The following KNDC1 variants were observed in gnomAD, a reference collection of about 807,000 sequenced individuals.
KNDC1 encodes the protein kinase non-catalytic C-lobe domain-containing protein 1.
A neutral mutation model predicts 172.8 loss-of-function variants in KNDC1; 106 were observed. That is an observed-to-expected ratio of 0.61 (90% CI 0.52 to 0.72). The LOEUF is 0.72. Among genes scored for constraint, KNDC1 ranks in the 30% least tolerant of loss-of-function variants. The pLI, the probability that KNDC1 is intolerant of heterozygous loss-of-function variation, is 0.00. For missense variants in KNDC1, 2,325 were observed against 2,394.5 expected (o/e 0.97, Z 0.61); for synonymous variants, 1,083 against 1,062.2 (o/e 1.02, Z -0.38).
rs763996433 is a variant in KNDC1 at position 133,186,471 on chromosome 10, C to T, written c.1123C>T (p.Arg375Trp). Reference sequence around the variant, plus strand: ...GCAGGAGCCGGAACACCAGCTGGGACGGGTTCCCTGTGCAGGCCGCAGCAC... The same window carrying T: ...GCAGGAGCCGGAACACCAGCTGGGATGGGTTCCCTGTGCAGGCCGCAGCAC... ...PEQEPEHQLGRVPCAGRSTDR... is the reference protein window; with the variant it reads ...PEQEPEHQLGWVPCAGRSTDR... Residue 375 changes from arginine to tryptophan, a missense_variant, in exon 6 of 30, where the codon CGG (arginine) becomes TGG (tryptophan). Physicochemically the swap from Arg to Trp is moderately radical, Grantham distance 101 (BLOSUM62 -3). Coordinates refer to ENST00000304613, the MANE Select transcript of KNDC1 (RefSeq NM_152643.8). 12 of 1,612,166 alleles carry T rather than the reference C, an allele frequency of 7.4e-6. No homozygotes were observed. The highest frequency in any genetic ancestry group is 4.5e-5 in the East Asian group (2 of 44,878).
chr10:133,204,707 T>A (rs916040946), intron 17 of KNDC1, among the ~76,000 whole-genome samples: 1 of 152,184 alleles, frequency 6.6e-6, no homozygotes, highest in African/African-American at 2.4e-5. Flanking sequence ...ACCCTGTCAA[T>A]AGCAGAGTCA....
intron 3 of KNDC1, among the ~76,000 whole-genome samples, chr10:133,181,524 G>C (rs985037241): frequency 6.6e-6 from 1 of 152,338 alleles, no homozygotes; most frequent in Admixed American, 6.5e-5. Flanking sequence ...CTGTGGGGAT[G>C]GCCAGCGGCC....
At chr10:133,187,388 C>A (rs940360103) in intron 6 of KNDC1, among the ~76,000 whole-genome samples, 37 of 152,262 alleles carry the variant, frequency 2.4e-4, no homozygotes, top group African/African-American at 8.7e-4. Flanking sequence ...TTTTGCCCTC[C>A]TTGGCTCCTC....
chr10:133,215,746 C>A (rs933384353), intron 26 of KNDC1, among the ~76,000 whole-genome samples: 1 of 152,236 alleles, frequency 6.6e-6, no homozygotes. Flanking sequence ...GAGCCTGCGG[C>A]GGCCCTGCCT....
At position 133,224,906 on chromosome 10, in the gene KNDC1, G is replaced by C; in HGVS notation, c.*16G>C. 7 of 1,597,214 alleles carry C rather than the reference G, an allele frequency of 4.4e-6. No homozygotes were observed. The highest frequency in any genetic ancestry group is 6.0e-6 in the Non-Finnish European group (7 of 1,166,076). On this transcript the variant is annotated 3_prime_UTR_variant, in exon 30 of 30. Coordinates refer to ENST00000304613, the MANE Select transcript of KNDC1 (RefSeq NM_152643.8). This position sits in a 1 kb window ranked among gnomAD's most constrained non-coding sequence, Gnocchi z 5.4. Reference sequence around the variant, plus strand: ...ATTCCAGTAGCCGAGCTCGGGCCTGGTGTGGAATTCCAGATCCGAATCCGA... The same window carrying C: ...ATTCCAGTAGCCGAGCTCGGGCCTGCTGTGGAATTCCAGATCCGAATCCGA...
rs1303303492 is a variant in KNDC1 at position 133,218,814 on chromosome 10, T to TC, written c.4678-16dup. 6.2e-7 allele frequency: 1 copy of TC among 1,608,534 alleles called. No homozygotes were observed. On this transcript the variant is annotated splice_polypyrimidine_tract_variant and intron_variant, in intron 26 of 29. Transcript: ENST00000304613. ...CTTAAACCAGAAGACGCTGAATGTG[T>TC]CATTTTCTTATTGCAGCTGCAGGTG...
At position 133,211,542 on chromosome 10, in the gene KNDC1, G is replaced by A; in HGVS notation, c.4029G>A (p.Gly1343=). ...VDFPRNSGLL[G]KLEDFISSKI... is the part of the protein sequence containing the mutation. ...TCCCTCGGAACAGCGGGCTGCTGGGGAAGCTAGAGGACTTCATCTCCTCCA... is the reference window on the plus strand; with the variant it reads ...TCCCTCGGAACAGCGGGCTGCTGGGAAAGCTAGAGGACTTCATCTCCTCCA... The change falls in exon 22 of 30, where the codon GGG becomes GGA. Residue 1343 remains glycine, a synonymous_variant. Coordinates refer to ENST00000304613, the MANE Select transcript of KNDC1 (RefSeq NM_152643.8). 2 of 1,613,958 alleles carry A rather than the reference G, an allele frequency of 1.2e-6. No individual in the cohort carries two copies.
At chr10:133,184,557 TCACACTGCA>T (rs1228120705) in intron 5 of KNDC1, among the ~76,000 whole-genome samples, 3 of 152,204 alleles carry the variant, frequency 2.0e-5, no homozygotes, top group Admixed American at 2.0e-4. Flanking sequence ...GCATGCCTGT[TCACACTGCA>T]CACGCCCACA....
chr10:133,186,126 A>G lies in KNDC1; in HGVS notation c.778A>G (p.Lys260Glu), dbSNP rs1477138818. The G allele has an allele frequency of 1.3e-6, 2 of 1,598,310 alleles. No homozygotes were observed. The highest frequency in any genetic ancestry group is 1.1e-5 in the South Asian group (1 of 88,880). Reference protein sequence around the residue: ...TSRGPRASPTKALLSTPVRNG... With the variant: ...TSRGPRASPTEALLSTPVRNG... ...CCGGGGCCCCAGAGCCTCCCCAACC[A>G]AGGCTCTGCTGTCCACCCCGGTGAG... Residue 260 changes from lysine (K) to glutamate (E), a missense_variant, in exon 6 of 30, where the codon AAG becomes GAG. By Grantham distance (56) the Lys-to-Glu change is moderately conservative. Coordinates refer to ENST00000304613, the MANE Select transcript of KNDC1 (RefSeq NM_152643.8).
chr10:133,198,821 G>C lies in KNDC1; in HGVS notation c.2313G>C (p.Glu771Asp), dbSNP rs1266791195. Reference sequence around the variant, plus strand: ...CCCAGGCCCCAGCAAACCAGCCAGAGGGGGCCTCATCGGCAGCTCCCGGCT... The same window carrying C: ...CCCAGGCCCCAGCAAACCAGCCAGACGGGGCCTCATCGGCAGCTCCCGGCT... ...PPPQAPANQP[E>D]GASSAAPGSP... The change falls in exon 14 of 30, where the codon GAG becomes GAC. Residue 771 changes from glutamate (E) to aspartate (D), a missense_variant. Glu to Asp is a conservative substitution (Grantham distance 45). Transcript: ENST00000304613. 1.6e-5 allele frequency: 25 copies of C among 1,599,960 alleles called. No individual in the cohort carries two copies. The highest frequency in any genetic ancestry group is 2.0e-5 in the Non-Finnish European group (24 of 1,174,490).
rs1589782193 is a variant in KNDC1 at position 133,224,900 on chromosome 10, G to A, written c.*10G>A. ...GGCTACATTCCAGTAGCCGAGCTCGGGCCTGGTGTGGAATTCCAGATCCGA... is the reference window on the plus strand; with the variant it reads ...GGCTACATTCCAGTAGCCGAGCTCGAGCCTGGTGTGGAATTCCAGATCCGA... On this transcript the variant is annotated 3_prime_UTR_variant, in exon 30 of 30. Transcript: ENST00000304613. This position sits in a 1 kb window ranked among gnomAD's most constrained non-coding sequence, Gnocchi z 5.4. The A allele has an allele frequency of 1.9e-6, 3 of 1,602,204 alleles. No individual in the cohort carries two copies. The highest frequency in any genetic ancestry group is 2.6e-6 in the Non-Finnish European group (3 of 1,170,392).
In KNDC1 at chr10:133,177,717, TATG is replaced by T. The variant is rs1171223638; in HGVS notation, c.361-5626_361-5624del. On this transcript the variant is annotated intron_variant, in intron 3 of 29. Coordinates refer to ENST00000304613, the MANE Select transcript of KNDC1 (RefSeq NM_152643.8). ...GTAATGTGTGTGTCCATGCATGTGG[TATG>T]GTGTGTTGTGGCCACATGAGTGTTG... is the stretch of plus-strand genomic sequence containing the variant. Among the ~76,000 whole-genome samples the T allele has an allele frequency of 7.0e-4, 106 of 152,038 alleles. 2 individuals carry two copies. The highest frequency in any genetic ancestry group is 8.8e-5 in the Non-Finnish European group (6 of 67,952).
At chr10:133,177,318 G>A (rs1261687312) in intron 3 of KNDC1, among the ~76,000 whole-genome samples, 1 of 151,994 alleles carries the variant, frequency 6.6e-6, no homozygotes, top group Admixed American at 6.5e-5. Flanking sequence ...GTACATGTAT[G>A]TAGCGTGGTG....
At chr10:133,198,222 A>C in intron 12 of KNDC1, 115 bp from the exon 13 acceptor site, 5 of 1,229,580 alleles carry the variant, frequency 4.1e-6, no homozygotes, top group Non-Finnish European at 5.5e-6. Flanking sequence ...GCCATGCGGG[A>C]GGGGACGCGG....
intron 20 of KNDC1, among the ~76,000 whole-genome samples, chr10:133,208,917 C>G (rs1246826676): frequency 6.6e-6 from 1 of 151,170 alleles, no homozygotes; most frequent in Non-Finnish European, 1.5e-5. Flanking sequence ...TGTGTATGTG[C>G]TGATGGGATA....
At chr10:133,192,147 AAACTATTCTAAAATTCATATGG>A (rs1854083888) in intron 9 of KNDC1, among the ~76,000 whole-genome samples, 1 of 152,240 alleles carries the variant, frequency 6.6e-6, no homozygotes, top group South Asian at 2.1e-4. Context: ...GAATTAGAGG[AAACTATTCTAAAATTCATATGG>A]AACCAAAAAA....
chr10:133,221,736 C>T (rs1845591835), intron 29 of KNDC1, among the ~76,000 whole-genome samples: 1 of 152,226 alleles, frequency 6.6e-6, no homozygotes, highest in African/African-American at 2.4e-5. Flanking sequence ...TAAATGTATG[C>T]TTATCGTAAG....
chr10:133,224,742 ACCT>A lies in KNDC1; in HGVS notation c.5104_5106del (p.Leu1702del). 1.9e-6 allele frequency: 3 copies of A among 1,614,066 alleles called. No homozygotes were observed. Among genetic ancestry groups the A allele is most frequent in the Non-Finnish European group, 2.5e-6 (3 of 1,180,006 alleles). On this transcript the variant is annotated inframe_deletion, in exon 30 of 30. Coordinates refer to ENST00000304613, the MANE Select transcript of KNDC1 (RefSeq NM_152643.8). The surrounding 1 kb of genome is among the most constrained non-coding windows in gnomAD (Gnocchi z 5.4). Reference sequence around the variant, plus strand: ...AGCCCCGACCCCAAGCTCCAGTCGTACCTCAAGCAGAGGATTGCCCGCTTCAGC... The same window carrying A: ...AGCCCCGACCCCAAGCTCCAGTCGTACAAGCAGAGGATTGCCCGCTTCAGC...
intron 17 of KNDC1, chr10:133,202,183 A>G (rs1564893276): frequency 2.9e-6 from 2 of 678,362 alleles, no homozygotes; most frequent in Non-Finnish European, 5.4e-6. Context: ...ATGGGTTCAC[A>G]GGAGGCCCCT....
Sources: gnomAD v4.1 joint callset for allele counts (sites outside exome capture counted in the v4.1 genomes callset) on GRCh38, gnomAD v4.1.1 for gene constraint, Gnocchi (gnomAD v3.1) non-coding constraint, MANE v1.5 for transcripts, NCBI Gene and HGNC (gene_info 2026-07-23, HGNC 2026-07-21) for gene names.